MEGF6: variants seen among roughly 807,000 people sequenced by gnomAD.
MEGF6 encodes multiple EGF like domains 6.
In MEGF6, 184 loss-of-function variants were observed where a neutral mutation model predicts 207.1. That is an observed-to-expected ratio of 0.89 (90% confidence interval 0.79 to 1.00). MEGF6 has a LOEUF of 1.00. MEGF6 is among the 50% of genes least tolerant of loss of function. MEGF6 has a pLI of 0.00. For missense variants in MEGF6, 2,282 were observed against 2,202.9 expected, an observed-to-expected ratio of 1.04 and a Z score of -0.72; for synonymous variants, 1,038 against 910.0, an observed-to-expected ratio of 1.14 and a Z score of -2.53.
At chr1:3,528,827 C>T (rs528509680) in intron 4 of MEGF6, among the ~76,000 whole-genome samples, 9 of 152,322 alleles carry the variant, frequency 5.9e-5, no homozygotes, top group African/African-American at 1.7e-4. Context: ...GCCCTGCCCA[C>T]GCCTTGATTT....
intron 4 of MEGF6, among the ~76,000 whole-genome samples, chr1:3,567,533 C>G (rs1643379885): frequency 6.6e-6 from 1 of 152,310 alleles, no homozygotes; most frequent in South Asian, 2.1e-4. Flanking sequence ...GACATGCCCC[C>G]CCCAGGCTCT....
At chr1:3,506,448 G>A (rs888657060) in intron 14 of MEGF6, among the ~76,000 whole-genome samples, 2 of 152,174 alleles carry the variant, frequency 1.3e-5, no homozygotes, top group Non-Finnish European at 2.9e-5. Context: ...TGGCAAGGGC[G>A]GGTGGAAGAG....
intron 4 of MEGF6, chr1:3,531,410 C>T: frequency 1.8e-6 from 2 of 1,138,638 alleles, no homozygotes; most frequent in Non-Finnish European, 2.2e-6. Context: ...GGGAGCCGCT[C>T]TGGGCCGGGC....
the MEGF6 span, among the ~76,000 whole-genome samples, chr1:3,618,201 T>C: frequency 5.9e-5 from 9 of 152,184 alleles, no homozygotes; most frequent in African/African-American, 2.2e-4. This position sits in a 1 kb window ranked among gnomAD's most constrained non-coding sequence, Gnocchi z 4.7. Flanking sequence ...AGCCCTTGCA[T>C]TTCTCAAGGT....
intron 4 of MEGF6, among the ~76,000 whole-genome samples, chr1:3,525,881 C>G (rs570390856): frequency 1.3e-5 from 2 of 152,212 alleles, no homozygotes; most frequent in Admixed American, 6.5e-5. Context: ...AGCTGGGCCT[C>G]GGGGGAATCC....
intron 30 of MEGF6, among the ~76,000 whole-genome samples, chr1:3,495,590 A>G (rs1640564003): frequency 6.6e-6 from 1 of 152,168 alleles, no homozygotes; most frequent in African/African-American, 2.4e-5. Context: ...GCTGGGTAGG[A>G]ACCTGCAGCC....
rs193246958 is a variant in MEGF6 at position 3,601,554 on chromosome 1, G to A, written c.266+912C>T. ...GGCCGGGTCGTCTGTTCGGGGGGTC[G>A]TCCTGTGTGCTGAGATGCTCAGCAG... On this transcript the variant is annotated intron_variant, in intron 2 of 36. Transcript: ENST00000356575. Among the ~76,000 whole-genome samples, 16 of 152,256 alleles carry A rather than the reference G, an allele frequency of 1.1e-4. No individual in the cohort carries two copies. The East Asian group carries it at 2.3e-3, about 22-fold the overall frequency.
rs1280066222 is a variant in MEGF6, at chr1:3,585,525, C to A, written c.377-5596G>T. On this transcript the variant is annotated intron_variant, in intron 3 of 36. Transcript: ENST00000356575. Reference sequence around the variant, plus strand: ...GTGTGTGGGTGTGAGTGACACATGTCCTGTTGTGGGTGTGACACATGTCCT... The same window carrying A: ...GTGTGTGGGTGTGAGTGACACATGTACTGTTGTGGGTGTGACACATGTCCT... Among the ~76,000 whole-genome samples the A allele has an allele frequency of 4.5e-5, 6 of 133,640 alleles. No individual in the cohort carries two copies. In the Admixed American group the frequency reaches 4.6e-4, roughly 10 times the overall value. 87.7% of individuals were successfully genotyped at this position (133,640 alleles called of 152,430 possible).
chr1:3,577,676 A>G (rs1432644037), intron 4 of MEGF6, among the ~76,000 whole-genome samples: 1 of 152,174 alleles, frequency 6.6e-6, no homozygotes, highest in African/African-American at 2.4e-5. Flanking sequence ...GCACCGTGAG[A>G]GTCTGTGACA....
intron 3 of MEGF6, among the ~76,000 whole-genome samples, chr1:3,581,421 G>A (rs545919812): frequency 1.6e-3 from 242 of 152,304 alleles, no homozygotes; most frequent in Admixed American, 3.7e-3. Context: ...AACGCGATAG[G>A]GTGGGGGCCA....
In MEGF6 at chr1:3,501,809, T is replaced by C. The variant is rs904360480; in HGVS notation, c.2301A>G (p.Glu767=). 9 of 1,609,900 alleles carry C rather than the reference T, an allele frequency of 5.6e-6. No homozygotes were observed. The African/African-American group carries it at 9.4e-5, about 17-fold the overall frequency. Residue 767 remains glutamate (E), a synonymous_variant, in exon 18 of 37, where the codon GAA becomes GAG. Coordinates refer to ENST00000356575, the MANE Select transcript of MEGF6 (RefSeq NM_001409.4). The part of the protein sequence containing the change: ...QCRCPPGRTG[E]DCEADCPEGR... ...GCTGACACTCACCTGCCTCACAGTCTTCCCCAGTCCTCCCCGGCGGACACC... is the reference window on the plus strand; with the variant it reads ...GCTGACACTCACCTGCCTCACAGTCCTCCCCAGTCCTCCCCGGCGGACACC...
At chr1:3,524,026 T>G (rs1641864831) in intron 5 of MEGF6, 98 bp downstream of exon 5, 8 of 1,405,282 alleles carry the variant, frequency 5.7e-6, no homozygotes, top group East Asian at 5.0e-5. Context: ...TGCCTCTCCA[T>G]GTCCACAGCC....
intron 7 of MEGF6, among the ~76,000 whole-genome samples, chr1:3,513,400 T>C (rs1359936078): frequency 6.6e-6 from 1 of 150,784 alleles, no homozygotes; most frequent in East Asian, 2.0e-4. Flanking sequence ...GCCTCCTGAG[T>C]AGCTGGGACC....
chr1:3,557,322 C>A (rs138577716), intron 4 of MEGF6, among the ~76,000 whole-genome samples: 6 of 152,314 alleles, frequency 3.9e-5, no homozygotes, highest in Non-Finnish European at 8.8e-5. Context: ...AAAAATTGAA[C>A]CTTTACCATG....
At chr1:3,539,955 C>T (rs1642461047) in intron 4 of MEGF6, among the ~76,000 whole-genome samples, 1 of 152,188 alleles carries the variant, frequency 6.6e-6, no homozygotes, top group Non-Finnish European at 1.5e-5. Context: ...CGCACCTGTC[C>T]AGCATCGAGG....
chr1:3,537,510 G>A (rs1183510194), intron 4 of MEGF6, among the ~76,000 whole-genome samples: 1 of 152,242 alleles, frequency 6.6e-6, no homozygotes, highest in Non-Finnish European at 1.5e-5. Flanking sequence ...CCAGGCCAGG[G>A]GTGCTCCTAG....
At chr1:3,551,638 C>T (rs1435793826) in intron 4 of MEGF6, among the ~76,000 whole-genome samples, 1 of 152,154 alleles carries the variant, frequency 6.6e-6, no homozygotes, top group Non-Finnish European at 1.5e-5. Context: ...CTTATATTGC[C>T]ACAGCCACAG....
rs545482616 is a variant in MEGF6, at chr1:3,546,798, CT to C, written c.482-22553del. Among the ~76,000 whole-genome samples the C allele has an allele frequency of 5.0e-3, 685 of 137,044 alleles. 10 individuals are homozygous for C. Among genetic ancestry groups the C allele is most frequent in the Non-Finnish European group, 8.2e-3 (517 of 63,198 alleles). The allele number at this position is 137,044 out of a possible 152,430, so 89.9% of individuals were successfully genotyped here. On this transcript the variant is annotated intron_variant, in intron 4 of 36. Coordinates refer to ENST00000356575, the MANE Select transcript of MEGF6 (RefSeq NM_001409.4). ...GGGTGGCAATGGCCTGGGAAGGGGG[CT>C]GCCAGGGAGGCCGAGGTGGGGTGGC...
chr1:3,502,014 T>TCACATGGGCTCCTGGCGA, intron 17 of MEGF6, 93 bp from the exon 18 acceptor site: 3 of 599,182 alleles, frequency 5.0e-6, no homozygotes, highest in Non-Finnish European at 6.1e-6. Context: ...GTGTGCCCCC[T>TCACATGGGCTCCTGGCGA]GTGCCTCACA....
Sources: gnomAD v4.1 joint callset for allele counts (sites outside exome capture counted in the v4.1 genomes callset) on GRCh38, gnomAD v4.1.1 for gene constraint, Gnocchi (gnomAD v3.1) non-coding constraint, MANE v1.5 for transcripts, NCBI Gene and HGNC (gene_info 2026-07-23, HGNC 2026-07-21) for gene names.